The following HAUS5 variants were observed in gnomAD, a reference collection of about 807,000 sequenced individuals.
HAUS5 encodes HAUS augmin like complex subunit 5.
In HAUS5, 67 loss-of-function variants were observed where a neutral mutation model predicts 94.1. The ratio of observed to expected loss-of-function variants is 0.71; its 90% CI spans 0.58 to 0.87. HAUS5 has a LOEUF of 0.87. HAUS5 is among the 40% of genes least tolerant of loss of function. HAUS5 has a pLI of 0.00. For synonymous variants in HAUS5, 339 were observed against 355.4 expected, an observed-to-expected ratio of 0.95 and a Z score of 0.52; for missense variants, 739 against 825.6, an observed-to-expected ratio of 0.90 and a Z score of 1.29.
chr19:35,622,813 T>C lies in HAUS5; in HGVS notation c.1785-63T>C, dbSNP rs1362214102. ...GGGCCTGATGAGAAGGAGCAGGCCA[T>C]GGTTTTGCAGGGAGGGTCTGGAGGG... On this transcript the variant is annotated intron_variant, in intron 18 of 18. Transcript: ENST00000203166. 6.2e-6 allele frequency: 10 copies of C among 1,605,840 alleles called. No individual in the cohort carries two copies. In the African/African-American group the frequency reaches 1.3e-4, roughly 22 times the overall value.
chr19:35,616,572 C>T (rs187280702), intron 6 of HAUS5, among the ~76,000 whole-genome samples: 5 of 152,214 alleles, frequency 3.3e-5, no homozygotes, highest in African/African-American at 1.2e-4. Context: ...GGCTGGAGTG[C>T]AGTGGCATGA....
chr19:35,620,641 C>T (rs781460320), intron 17 of HAUS5, among the ~76,000 whole-genome samples: 2 of 152,212 alleles, frequency 1.3e-5, no homozygotes, highest in Non-Finnish European at 2.9e-5. Context: ...CGACTTTCCA[C>T]GTGTTCATTC....
rs759462527 is a variant in HAUS5 at position 35,615,133 on chromosome 19, A to G, written c.311A>G (p.Asp104Gly). The change falls in exon 5 of 19, where the codon GAC (aspartate) becomes GGC (glycine). Residue 104 changes from aspartate to glycine, a missense_variant. By Grantham distance (94) the Asp-to-Gly change is moderately conservative (BLOSUM62 -1). Coordinates refer to ENST00000203166, the MANE Select transcript of HAUS5 (RefSeq NM_015302.2). ...CAGAGCCTGGAGCTGATGGAGCGAG[A>G]CACTGAGGCTCAGGGTGAGCCATGG... The part of the protein sequence containing the change: ...LDQSLELMER[D>G]TEAQDTAMEQ... The G allele has an allele frequency of 7.5e-6, 12 of 1,610,550 alleles. No homozygotes were observed. The highest frequency in any genetic ancestry group is 9.3e-6 in the Non-Finnish European group (11 of 1,178,360).
At chr19:35,619,852 C>T in intron 15 of HAUS5, 94 bp downstream of exon 15, 4 of 1,516,676 alleles carry the variant, frequency 2.6e-6, no homozygotes, top group Non-Finnish European at 3.5e-6. Flanking sequence ...CCCCAGACCC[C>T]CAGTGTTCCC....
At position 35,613,767 on chromosome 19, in the gene HAUS5, A is replaced by T. The variant is rs773731052; in HGVS notation, c.136A>T (p.Ile46Phe). Residue 46 changes from isoleucine to phenylalanine, a missense_variant, in exon 2 of 19, where the codon ATC (isoleucine) becomes TTC (phenylalanine). Transcript: ENST00000203166. ...CCAGGGGGCTGACATCTGGGCCTAC[A>T]TCTTGCAGCATGTGCACAGTCAGAG... ...LGQGADIWAYILQHVHSQRTV... is the reference protein window; with the variant it reads ...LGQGADIWAYFLQHVHSQRTV... 4 of 1,613,966 alleles carry T rather than the reference A, an allele frequency of 2.5e-6. No homozygotes were observed. Among genetic ancestry groups the T allele is most frequent in the Non-Finnish European group, 3.4e-6 (4 of 1,179,994 alleles).
chr19:35,618,636 T>A lies in HAUS5; in HGVS notation c.953T>A (p.Leu318Ter), dbSNP rs1368706586. 1 of 1,608,082 alleles carries A rather than the reference T, an allele frequency of 6.2e-7. No individual in the cohort carries two copies. The highest frequency in any genetic ancestry group is 8.5e-7 in the Non-Finnish European group (1 of 1,175,404). Residue 318 changes from leucine to a stop codon, truncating the protein, a stop_gained, in exon 12 of 19, where the codon TTG (leucine) becomes TAG (stop). Transcript: ENST00000203166. LOFTEE classifies it high-confidence loss of function. Reference protein sequence around the residue: ...RSTLLKERQVLTQRLQGLVEE... With the variant: ...RSTLLKERQV ...ACCCTCCTGAAGGAGCGGCAAGTCTTGACCCAGCGCCTCCAGGGCCTGGTG... is the reference window on the plus strand; with the variant it reads ...ACCCTCCTGAAGGAGCGGCAAGTCTAGACCCAGCGCCTCCAGGGCCTGGTG...
Position 35,620,338 on chromosome 19 carries a change from C to G in HAUS5, c.1651+11C>G. 6.2e-7 allele frequency: 1 copy of G among 1,610,056 alleles called. No homozygotes were observed. Among genetic ancestry groups the G allele is most frequent in the Non-Finnish European group, 8.5e-7 (1 of 1,178,066 alleles). On this transcript the variant is annotated intron_variant, in intron 17 of 18. Transcript: ENST00000203166. ...GCCTTCCCACCCAGGGTAGGTCTGCCCTGCCACCCCATCCAGCCTCCCCGC... is the reference window on the plus strand; with the variant it reads ...GCCTTCCCACCCAGGGTAGGTCTGCGCTGCCACCCCATCCAGCCTCCCCGC...
chr19:35,614,135 G>A lies in HAUS5; in HGVS notation c.219+76G>A, dbSNP rs1377427741. On this transcript the variant is annotated intron_variant, in intron 4 of 18. Transcript: ENST00000203166. ...GATCTTCTGCTCTAAGCCCAACCAG[G>A]TGCTGGGTGATGCTGGGGACAATGG... The A allele has an allele frequency of 5.2e-6, 7 of 1,339,616 alleles. No homozygotes were observed. The African/African-American group carries it at 8.6e-5, about 17-fold the overall frequency. 83.0% of individuals were successfully genotyped at this position (1,339,616 alleles called of 1,614,324 possible).
chr19:35,621,744 G>A (rs2146341667), intron 17 of HAUS5, among the ~76,000 whole-genome samples: 1 of 152,180 alleles, frequency 6.6e-6, no homozygotes, highest in East Asian at 1.9e-4. Context: ...AGCCCTAAGG[G>A]TCCCATCCCC....
chr19:35,618,795 C>T, intron 12 of HAUS5, 92 bp from the exon 13 acceptor site: 1 of 1,519,904 alleles, frequency 6.6e-7, no homozygotes, highest in Non-Finnish European at 8.9e-7. Flanking sequence ...CTATCTCTGC[C>T]TCCTCTCCCT....
rs1410710150 is a variant in HAUS5 at position 35,618,880 on chromosome 19, C to T, written c.1017-7C>T. The T allele has an allele frequency of 6.3e-7, 1 of 1,596,072 alleles. No individual in the cohort carries two copies. ...CTCTCCTTTGCTCTCCTCCACTTGC[C>T]CTGCAGGCAGGTGCTGATACTGGGG... On this transcript the variant is annotated splice_region_variant and splice_polypyrimidine_tract_variant and intron_variant, in intron 12 of 18. Coordinates refer to ENST00000203166, the MANE Select transcript of HAUS5 (RefSeq NM_015302.2).
At position 35,620,314 on chromosome 19, in the gene HAUS5, C is replaced by A; in HGVS notation, c.1638C>A (p.Gly546=). The part of the protein sequence containing the change: ...LLHMKTSLPP[G]LPTQELLQIQ... ...ACATGAAGACCAGCCTGCCGCCAGG[C>A]CTTCCCACCCAGGGTAGGTCTGCCC... The change falls in exon 17 of 19, where the codon GGC becomes GGA. Residue 546 remains glycine (G), a synonymous_variant. Coordinates refer to ENST00000203166, the MANE Select transcript of HAUS5 (RefSeq NM_015302.2). 1 of 1,612,862 alleles carries A rather than the reference C, an allele frequency of 6.2e-7. No individual in the cohort carries two copies. The highest frequency in any genetic ancestry group is 8.5e-7 in the Non-Finnish European group (1 of 1,179,638).
rs376884603 is a variant in HAUS5 at position 35,615,247 on chromosome 19, C to T, written c.346C>T (p.Arg116Cys). 2.5e-6 allele frequency: 4 copies of T among 1,613,960 alleles called. No homozygotes were observed. The highest frequency in any genetic ancestry group is 1.3e-5 in the African/African-American group (1 of 74,950). The change falls in exon 6 of 19, where the codon CGT becomes TGT. Residue 116 changes from arginine to cysteine, a missense_variant. Coordinates refer to ENST00000203166, the MANE Select transcript of HAUS5 (RefSeq NM_015302.2). ...EAQDTAMEQA[R>C]QHTQDTQRRA... ...CACAGACACGGCCATGGAGCAGGCA[C>T]GTCAGCACACTCAAGACACCCAGCG...
In HAUS5 at chr19:35,617,004, T is replaced by C. The variant is rs2146336797; in HGVS notation, c.486-120T>C. Reference sequence around the variant, plus strand: ...AGGTGACAGTGGCCTAATCTGGAGATGGCTCCCGAGATCTAGGCTTAGTGA... The same window carrying C: ...AGGTGACAGTGGCCTAATCTGGAGACGGCTCCCGAGATCTAGGCTTAGTGA... On this transcript the variant is annotated intron_variant, in intron 6 of 18. Transcript: ENST00000203166. 7.8e-6 allele frequency: 6 copies of C among 770,470 alleles called. No individual in the cohort carries two copies. In the South Asian group the frequency reaches 9.8e-5, roughly 13 times the overall value. The allele number at this position is 770,470 out of a possible 1,614,324, so 47.7% of individuals were successfully genotyped here.
In HAUS5 at chr19:35,619,750, G is replaced by A. The variant is rs1967175870; in HGVS notation, c.1398G>A (p.Arg466=). Residue 466 remains arginine, a synonymous_variant, in exon 15 of 19, where the codon AGG becomes AGA. Transcript: ENST00000203166. ...HILLGTLLRH[R]PGELKPLPTV... ...TGTTGGGCACGCTGCTGCGGCACAG[G>A]CCGGGAGAGTGAGACTGGGGCTGCC... The A allele has an allele frequency of 6.4e-7, 1 of 1,552,002 alleles. No individual in the cohort carries two copies. Among genetic ancestry groups the A allele is most frequent in the South Asian group, 1.2e-5 (1 of 83,512 alleles).
rs1462288030 is a variant in HAUS5, at chr19:35,619,607, C to T, written c.1261-6C>T. ...ATGCCCCACCCACCCCTCCCCTTCC[C>T]CACAGGTGCTAGCTCTGGTCCAGCG... On this transcript the variant is annotated splice_polypyrimidine_tract_variant and splice_region_variant and intron_variant, in intron 14 of 18. Transcript: ENST00000203166. The T allele has an allele frequency of 3.0e-5, 48 of 1,586,696 alleles. No individual in the cohort carries two copies. The highest frequency in any genetic ancestry group is 4.0e-5 in the Non-Finnish European group (47 of 1,165,962).
intron 13 of HAUS5, 56 bp from the exon 14 acceptor site, chr19:35,619,368 G>A: frequency 7.3e-7 from 1 of 1,374,416 alleles, no homozygotes; most frequent in Non-Finnish European, 1.0e-6. Flanking sequence ...AAGCAGAGAG[G>A]CACACTGAGG....
chr19:35,614,947 A>G, intron 4 of HAUS5, 95 bp from the exon 5 acceptor site: 1 of 824,814 alleles, frequency 1.2e-6, no homozygotes, highest in Non-Finnish European at 1.9e-6. Context: ...CTGAGCAAAA[A>G]CCCTCTGCCA....
Position 35,620,190 on chromosome 19 carries a change from T to G in HAUS5, c.1519-5T>G. On this transcript the variant is annotated splice_polypyrimidine_tract_variant and splice_region_variant and intron_variant, in intron 16 of 18. Transcript: ENST00000203166. ...CCAGGTGACCGTCCTTCCCTCCTCCTCCAGGCCTCGGAGCTGCTCCTGCCG... is the reference window on the plus strand; with the variant it reads ...CCAGGTGACCGTCCTTCCCTCCTCCGCCAGGCCTCGGAGCTGCTCCTGCCG... The G allele has an allele frequency of 6.2e-7, 1 of 1,612,962 alleles. No individual in the cohort carries two copies. The highest frequency in any genetic ancestry group is 1.1e-5 in the South Asian group (1 of 91,034).
Sources: gnomAD v4.1 joint callset for allele counts (sites outside exome capture counted in the v4.1 genomes callset) on GRCh38, gnomAD v4.1.1 for gene constraint, MANE v1.5 for transcripts, NCBI Gene and HGNC (gene_info 2026-07-23, HGNC 2026-07-21) for gene names.